Variants in DYM observed in about 807,000 individuals in gnomAD.
DYM encodes dymeclin, also known as dyggve-Melchior-Clausen syndrome protein.
In DYM, 78 loss-of-function variants were observed where a neutral mutation model predicts 93.1. The ratio of observed to expected loss-of-function variants is 0.84; its 90% CI spans 0.70 to 1.01. The LOEUF (loss-of-function observed/expected upper bound fraction) is 1.01, where lower values mean the gene tolerates loss of function less well. Ranked by LOEUF, DYM falls within the 50% of genes least tolerant of loss-of-function variation. DYM has a pLI of 0.00. For synonymous variants in DYM, 321 were observed against 319.7 expected (o/e 1.00, Z -0.04); for missense variants, 789 against 845.0 (o/e 0.93, Z 0.82).
intron 14 of DYM, among the ~76,000 whole-genome samples, chr18:49,179,199 T>C (rs1472510395): frequency 6.6e-6 from 1 of 152,154 alleles, no homozygotes; most frequent in African/African-American, 2.4e-5. Context: ...ACTGCCTTCA[T>C]GTATGAGACT....
At chr18:49,350,231 G>A (rs2064989672) in intron 6 of DYM, among the ~76,000 whole-genome samples, 1 of 151,998 alleles carries the variant, frequency 6.6e-6, no homozygotes, top group South Asian at 2.1e-4. Flanking sequence ...GTTTATAATA[G>A]TAAAAGACTG....
intron 2 of DYM, among the ~76,000 whole-genome samples, chr18:49,392,113 C>A (rs188230392): frequency 6.6e-6 from 1 of 151,668 alleles, no homozygotes; most frequent in South Asian, 2.1e-4. Context: ...AAAAGAGAGA[C>A]GATACATATA....
chr18:49,164,927 T>G (rs908871041), intron 14 of DYM, among the ~76,000 whole-genome samples: 1 of 152,196 alleles, frequency 6.6e-6, no homozygotes, highest in South Asian at 2.1e-4. Context: ...AAGAATACAG[T>G]TGATTTACAT....
intron 15 of DYM, among the ~76,000 whole-genome samples, chr18:49,162,907 A>AAGC (rs1212893953): frequency 1.3e-5 from 2 of 152,238 alleles, no homozygotes; most frequent in African/African-American, 4.8e-5. Flanking sequence ...GGATGGTAGA[A>AAGC]AGCAGCAGCA....
intron 2 of DYM, among the ~76,000 whole-genome samples, chr18:49,405,549 G>GTATA (rs1462111677): frequency 7.2e-5 from 11 of 152,204 alleles, no homozygotes; most frequent in African/African-American, 2.6e-4. Flanking sequence ...ATAGCTGTAG[G>GTATA]TATATGGCTT....
chr18:49,407,252 G>C (rs1401078133), intron 2 of DYM, among the ~76,000 whole-genome samples: 1 of 152,160 alleles, frequency 6.6e-6, no homozygotes, highest in Non-Finnish European at 1.5e-5. Flanking sequence ...TCTTGATCAT[G>C]GTTGGTTACA....
intron 17 of DYM, among the ~76,000 whole-genome samples, chr18:49,096,737 T>C (rs2079580238): frequency 6.6e-6 from 1 of 152,206 alleles, no homozygotes; most frequent in South Asian, 2.1e-4. Context: ...CAGATGTAAA[T>C]GCCTTCTTCA....
chr18:49,236,528 C>T (rs1484625236), intron 13 of DYM, among the ~76,000 whole-genome samples: 1 of 151,854 alleles, frequency 6.6e-6, no homozygotes, highest in African/African-American at 2.4e-5. Context: ...AGTCATGTTA[C>T]TGGTACTTCA....
intron 15 of DYM, among the ~76,000 whole-genome samples, chr18:49,160,567 ACT>A (rs1206419835): frequency 1.4e-4 from 14 of 96,792 alleles, no homozygotes; most frequent in South Asian, 7.7e-4. Context: ...ACGTCGTGAG[ACT>A]CTGTCTCAAA....
intron 15 of DYM, among the ~76,000 whole-genome samples, chr18:49,134,234 C>T (rs1362983892): frequency 6.6e-6 from 1 of 151,928 alleles, no homozygotes; most frequent in Non-Finnish European, 1.5e-5. Context: ...AACCAATTAG[C>T]CCCAATGATC....
intron 14 of DYM, among the ~76,000 whole-genome samples, chr18:49,186,920 CTTTT>C (rs57080617): frequency 1.7e-5 from 2 of 117,806 alleles, no homozygotes; most frequent in African/African-American, 3.5e-5. Context: ...ACACAATCTT[CTTTT>C]TTTTTTTTTT....
chr18:49,388,976 A>T (rs571351574), intron 3 of DYM, among the ~76,000 whole-genome samples: 139 of 151,366 alleles, frequency 9.2e-4, no homozygotes, highest in African/African-American at 2.5e-3. Flanking sequence ...ACTTAAAAAA[A>T]TTTTTTTTTC....
At chr18:49,210,992 C>T (rs866948612) in intron 13 of DYM, among the ~76,000 whole-genome samples, 39 of 152,182 alleles carry the variant, frequency 2.6e-4, no homozygotes, top group Middle Eastern at 3.4e-3. Flanking sequence ...GGAATATGTT[C>T]CTGGCAAGTA....
At chr18:49,363,572 G>C (rs1294957972) in intron 5 of DYM, among the ~76,000 whole-genome samples, 2 of 152,148 alleles carry the variant, frequency 1.3e-5, no homozygotes, top group Non-Finnish European at 2.9e-5. Context: ...ATATGAAACA[G>C]ATAAAAATCA....
At chr18:49,427,391 A>G (rs1250542590) in intron 2 of DYM, among the ~76,000 whole-genome samples, 1 of 152,222 alleles carries the variant, frequency 6.6e-6, no homozygotes. Flanking sequence ...CCTATATTCT[A>G]CATTAGAAGA....
intron 17 of DYM, among the ~76,000 whole-genome samples, chr18:49,065,665 ATTTT>A (rs956686881): frequency 6.7e-6 from 1 of 148,774 alleles, no homozygotes; most frequent in Non-Finnish European, 1.5e-5. Context: ...CCCGGCCTCA[ATTTT>A]TTTTTTTAAC....
intron 17 of DYM, among the ~76,000 whole-genome samples, chr18:49,050,179 C>T (rs376155663): frequency 1.8e-4 from 28 of 151,472 alleles, no homozygotes; most frequent in African/African-American, 6.1e-4. Flanking sequence ...CTCCGCCTCC[C>T]GGGTTCAAGC....
At chr18:49,243,391 G>A (rs182319048) in intron 13 of DYM, among the ~76,000 whole-genome samples, 6 of 152,258 alleles carry the variant, frequency 3.9e-5, no homozygotes, top group East Asian at 1.9e-4. Flanking sequence ...AGGGCTGGGC[G>A]TGGTGGCTCA....
At chr18:49,420,165 GTTT>G (rs58141815) in intron 2 of DYM, among the ~76,000 whole-genome samples, 9,446 of 108,964 alleles carry the variant, frequency 0.087, 397 homozygotes, top group East Asian at 0.3. Context: ...GTTAAAATTC[GTTT>G]TTTTTTTTTT....
Sources: gnomAD v4.1 joint callset for allele counts (sites outside exome capture counted in the v4.1 genomes callset) on GRCh38, gnomAD v4.1.1 for gene constraint, MANE v1.5 for transcripts, NCBI Gene and HGNC (gene_info 2026-07-23, HGNC 2026-07-21) for gene names.